The following RBIS variants were observed in gnomAD, a reference collection of about 807,000 sequenced individuals.
RBIS encodes the protein ribosomal biogenesis factor, also known as ribosome biogenesis factor identified in screen.
A neutral mutation model predicts 9.8 loss-of-function variants in RBIS; 9 were observed. The observed-to-expected ratio is 0.92, with a 90% confidence interval of 0.56 to 1.61. RBIS has a LOEUF of 1.61. Among genes scored for constraint, RBIS ranks in the 40% most tolerant of loss-of-function variants. The pLI is 0.00. For missense variants in RBIS, 103 were observed against 116.0 expected (o/e 0.89, Z 0.51); for synonymous variants, 35 against 37.9 (o/e 0.92, Z 0.28).
chr8:85,219,912 A>G (rs1424453530), intron 1 of RBIS, among the ~76,000 whole-genome samples: 1 of 152,180 alleles, frequency 6.6e-6, no homozygotes, highest in Non-Finnish European at 1.5e-5. Context: ...ATACACAGAC[A>G]TGATAGGTAT....
At chr8:85,215,994 G>A (rs1813133316) in intron 2 of RBIS, 1 of 152,172 alleles carries the variant, frequency 6.6e-6, no homozygotes, top group African/African-American at 2.4e-5. Context: ...GCTGCTGCCT[G>A]CTGAAGATTC....
rs1280663808 is a variant in RBIS, at chr8:85,214,145, T to C, written c.*415A>G. On this transcript the variant is annotated 3_prime_UTR_variant, in exon 4 of 4. Coordinates refer to ENST00000619594, the MANE Select transcript of RBIS (RefSeq NM_001099673.3). ...TTTCTTCTAATTGTGAATCCTTCTG[T>C]TTTTTCTTCTTAAGGAGGAAAGTTA... 2 of 541,780 alleles carry C rather than the reference T, an allele frequency of 3.7e-6. No individual in the cohort carries two copies. The highest frequency in any genetic ancestry group is 7.0e-6 in the Non-Finnish European group (2 of 285,382). 33.6% of individuals were successfully genotyped at this position (541,780 alleles called of 1,614,324 possible).
chr8:85,218,024 A>G (rs1060873), intron 1 of RBIS, among the ~76,000 whole-genome samples: 1 of 152,082 alleles, frequency 6.6e-6, no homozygotes, highest in Admixed American at 6.5e-5. Context: ...TATTACCTCT[A>G]TGTGAACGGC....
intron 2 of RBIS, chr8:85,216,229 C>T (rs1202919799): frequency 2.0e-5 from 3 of 152,196 alleles, no homozygotes; most frequent in Admixed American, 1.3e-4. Context: ...GTCTCTGAAT[C>T]CTTCCTGGAC....
At chr8:85,219,686 G>C (rs1813289237) in intron 1 of RBIS, among the ~76,000 whole-genome samples, 1 of 152,108 alleles carries the variant, frequency 6.6e-6, no homozygotes, top group African/African-American at 2.4e-5. Flanking sequence ...AGTGAGCCGA[G>C]ATCACGCCAC....
intron 2 of RBIS, 199 bp downstream of exon 2, chr8:85,217,187 C>A: frequency 1.6e-6 from 1 of 645,066 alleles, no homozygotes; most frequent in Non-Finnish European, 2.7e-6. Flanking sequence ...TATTTCTTTT[C>A]AACATTTGTT....
intron 3 of RBIS, 128 bp downstream of exon 3, chr8:85,214,793 A>C: frequency 1.4e-6 from 1 of 729,662 alleles, no homozygotes; most frequent in South Asian, 1.6e-5. Flanking sequence ...TATTTATACT[A>C]TAGAGCCTAG....
chr8:85,216,656 A>T (rs565428081), intron 2 of RBIS, among the ~76,000 whole-genome samples: 21 of 151,984 alleles, frequency 1.4e-4, no homozygotes, highest in South Asian at 1.0e-3. Context: ...CATCCCCAAA[A>T]CCCCCATCAT....
intron 2 of RBIS, 188 bp downstream of exon 2, chr8:85,217,198 T>C (rs754489670): frequency 4.6e-6 from 3 of 653,268 alleles, no homozygotes; most frequent in Non-Finnish European, 8.1e-6. Flanking sequence ...AACATTTGTT[T>C]TCAAGAAAGG....
intron 1 of RBIS, among the ~76,000 whole-genome samples, chr8:85,218,323 T>TCA (rs949368951): frequency 6.6e-6 from 1 of 152,010 alleles, no homozygotes; most frequent in African/African-American, 2.4e-5. Flanking sequence ...TTGCCCAATG[T>TCA]CACACTGTCA....
At chr8:85,220,198 C>A (rs1173913091) in intron 1 of RBIS, 108 bp downstream of exon 1, 1 of 152,242 alleles carries the variant, frequency 6.6e-6, no homozygotes, top group East Asian at 1.9e-4. Context: ...CAGAGCGCGA[C>A]GGAACCGAGC....
intron 1 of RBIS, among the ~76,000 whole-genome samples, chr8:85,219,849 T>C (rs1330668178): frequency 6.6e-6 from 1 of 152,106 alleles, no homozygotes; most frequent in Admixed American, 6.5e-5. Flanking sequence ...ACCTATATTT[T>C]ATACACAAAA....
intron 1 of RBIS, among the ~76,000 whole-genome samples, chr8:85,219,913 T>C (rs1813299787): frequency 6.6e-6 from 1 of 151,896 alleles, no homozygotes; most frequent in South Asian, 2.1e-4. Context: ...TACACAGACA[T>C]GATAGGTATA....
In RBIS at chr8:85,214,771, G is replaced by T. The variant is rs1424411405; in HGVS notation, c.232-140C>A. 14 of 747,228 alleles carry T rather than the reference G, an allele frequency of 1.9e-5. No individual in the cohort carries two copies. The African/African-American group carries it at 2.0e-4, about 10-fold the overall frequency. The allele number at this position is 747,228 out of a possible 1,614,324, so 46.3% of individuals were successfully genotyped here. On this transcript the variant is annotated intron_variant, in intron 3 of 3. Coordinates refer to ENST00000619594, the MANE Select transcript of RBIS (RefSeq NM_001099673.3). ...CTGTATATTCTGACAATGTTTTAGA[G>T]TCTGAATATGCTATTTATACTATAG...
In RBIS at chr8:85,220,344, G is replaced by A. The variant is rs1281968459; in HGVS notation, c.-42C>T. The A allele has an allele frequency of 1.3e-5, 2 of 152,264 alleles. No homozygotes were observed. The highest frequency in any genetic ancestry group is 1.9e-4 in the East Asian group (1 of 5,200). 9.4% of individuals were successfully genotyped at this position (152,264 alleles called of 1,614,324 possible). A position where few individuals can be genotyped will look rare whatever the true frequency, so the allele number is the denominator to read the frequency against. On this transcript the variant is annotated 5_prime_UTR_variant, in exon 1 of 4. Coordinates refer to ENST00000619594, the MANE Select transcript of RBIS (RefSeq NM_001099673.3). ...CTTGCGTGCAGCTTTTTAAGCTCCA[G>A]GTAACACCATCTGGCACGTACGGCG...
intron 2 of RBIS, chr8:85,216,253 T>C (rs1256864907): frequency 6.6e-6 from 1 of 152,216 alleles, no homozygotes; most frequent in Non-Finnish European, 1.5e-5. Flanking sequence ...CTTGTCTTAA[T>C]GGAAGACCCC....
At chr8:85,216,616 C>T (rs1394601236) in intron 2 of RBIS, among the ~76,000 whole-genome samples, 2 of 152,132 alleles carry the variant, frequency 1.3e-5, no homozygotes, top group Admixed American at 6.5e-5. Context: ...TTCAATGTGT[C>T]AACTATGAAG....
intron 1 of RBIS, chr8:85,219,334 T>C (rs1813273611): frequency 6.6e-6 from 1 of 152,230 alleles, no homozygotes; most frequent in Non-Finnish European, 1.5e-5. Flanking sequence ...GAAACAGCAA[T>C]GCTTTTGAAC....
rs1249032316 is a variant in RBIS at position 85,217,386 on chromosome 8, C to T, written c.114G>A (p.Lys38=). ...GTCAGAGTGCTTAACTAATACTCAC[C>T]TTCTTAAGATTAGTGGTAACTGGTT... ...KAKPVTTNLK[K]INIMNEEKVN... Residue 38 remains lysine (K), a splice_region_variant and synonymous_variant, in exon 2 of 4, where the codon AAG becomes AAA. Coordinates refer to ENST00000619594, the MANE Select transcript of RBIS (RefSeq NM_001099673.3). 3.8e-6 allele frequency: 6 copies of T among 1,563,700 alleles called. No homozygotes were observed. The African/African-American group carries it at 6.8e-5, about 18-fold the overall frequency.
Sources: allele counts gnomAD v4.1 joint callset (sites outside exome capture counted in the v4.1 genomes callset), GRCh38; gene constraint gnomAD v4.1.1; transcripts MANE v1.5; gene names NCBI Gene and HGNC (gene_info 2026-07-23, HGNC 2026-07-21).